Variants in FANCB observed in about 807,000 individuals in gnomAD.
FANCB encodes the protein Fanconi anemia group B protein.
Under a neutral mutation model 38.9 loss-of-function variants are expected in FANCB, and 5 were observed. The ratio of observed to expected loss-of-function variants is 0.13; its 90% CI spans 0.07 to 0.27. The LOEUF is 0.27. FANCB is among the 10% of genes least tolerant of loss of function. FANCB has a pLI of 1.00. For missense variants in FANCB, 573 were observed against 602.7 expected (o/e 0.95, Z 0.52); for synonymous variants, 236 against 215.4 (o/e 1.10, Z -0.84).
At chrX:14,786,063 G>A in the FANCB span, among the ~76,000 whole-genome samples, 2 of 111,958 alleles carry the variant, frequency 1.8e-5, no homozygotes, top group Non-Finnish European at 3.8e-5. Flanking sequence ...CCCAGGTGGA[G>A]CACTCTGGAG....
the FANCB span, among the ~76,000 whole-genome samples, chrX:14,830,180 T>C: frequency 4.5e-5 from 5 of 112,040 alleles, no homozygotes; most frequent in Non-Finnish European, 9.4e-5. Flanking sequence ...CCATCTTATA[T>C]GGGTGTGGTT....
At chrX:14,813,779 C>T in the FANCB span, among the ~76,000 whole-genome samples, 9 of 111,599 alleles carry the variant, frequency 8.1e-5, no homozygotes, top group African/African-American at 2.9e-4. Flanking sequence ...CAATGCCATC[C>T]CCATCAAGCT....
At chrX:14,759,205 C>T in the FANCB span, among the ~76,000 whole-genome samples, 2 of 111,377 alleles carry the variant, frequency 1.8e-5, no homozygotes, top group East Asian at 5.7e-4. Flanking sequence ...ACAAAGTCTC[C>T]AAGAAGTTTA....
the FANCB span, among the ~76,000 whole-genome samples, chrX:14,746,026 C>T: frequency 9.0e-6 from 1 of 111,441 alleles, no homozygotes; most frequent in East Asian, 2.8e-4. Flanking sequence ...AAAGAAATAG[C>T]CCTAACAACA....
At chrX:14,856,924 C>T (rs1479721943) in intron 5 of FANCB, among the ~76,000 whole-genome samples, 1 of 111,936 alleles carries the variant, frequency 8.9e-6, no homozygotes, top group African/African-American at 3.2e-5. Flanking sequence ...TGAATATGGA[C>T]AAGATAGCAA....
chrX:14,700,794 C>G, the FANCB span, among the ~76,000 whole-genome samples: 1 of 109,564 alleles, frequency 9.1e-6, no homozygotes, highest in Non-Finnish European at 1.9e-5. Context: ...TTGGTTGGTT[C>G]TTTTGCTTTT....
At chrX:14,729,900 C>G in the FANCB span, among the ~76,000 whole-genome samples, 1 of 111,891 alleles carries the variant, frequency 8.9e-6, no homozygotes, top group Admixed American at 9.5e-5. Flanking sequence ...CTATTCATAT[C>G]TAGGGATTAA....
chrX:14,783,937 C>T, the FANCB span, among the ~76,000 whole-genome samples: 3 of 112,718 alleles, frequency 2.7e-5, no homozygotes, highest in Admixed American at 1.9e-4. Flanking sequence ...AGGCCAGGCG[C>T]GGTGGCTCAT....
chrX:14,709,244 A>G, the FANCB span, among the ~76,000 whole-genome samples: 1 of 111,006 alleles, frequency 9.0e-6, no homozygotes, highest in Non-Finnish European at 1.9e-5. Flanking sequence ...TTTAAAAAGG[A>G]GTAGGGAAGG....
the FANCB span, among the ~76,000 whole-genome samples, chrX:14,797,386 A>G: frequency 1.8e-5 from 2 of 112,344 alleles, no homozygotes; most frequent in East Asian, 5.6e-4. Context: ...TTCTCATGTT[A>G]GAAACAAGTC....
chrX:14,867,455 C>T (rs1487177214), intron 2 of FANCB, among the ~76,000 whole-genome samples: 1 of 111,227 alleles, frequency 9.0e-6, no homozygotes, highest in African/African-American at 3.3e-5. Context: ...TAATTTTTGA[C>T]AAAGGTGCCA....
At chrX:14,785,739 T>C in the FANCB span, among the ~76,000 whole-genome samples, 1 of 111,679 alleles carries the variant, frequency 9.0e-6, no homozygotes, top group African/African-American at 3.3e-5. Context: ...TATATTGTGA[T>C]GGGACCCTCG....
At chrX:14,798,049 G>A in the FANCB span, among the ~76,000 whole-genome samples, 2 of 111,757 alleles carry the variant, frequency 1.8e-5, no homozygotes, top group Non-Finnish European at 3.8e-5. Context: ...ATGCAAGCGG[G>A]TGTGAAAACT....
the FANCB span, among the ~76,000 whole-genome samples, chrX:14,750,037 T>G: frequency 8.9e-6 from 1 of 112,300 alleles, no homozygotes; most frequent in Admixed American, 9.4e-5. Flanking sequence ...ATAAAAATTG[T>G]ATCACATTGT....
At chrX:14,842,195 T>C (rs1166243506), downstream of FANCB, among the ~76,000 whole-genome samples, 1 of 111,986 alleles carries the variant, frequency 8.9e-6, no homozygotes, top group Non-Finnish European at 1.9e-5. Context: ...TGACATTTCA[T>C]AGGGATAGAG....
At chrX:14,699,607 TATACA>T in the FANCB span, among the ~76,000 whole-genome samples, 842 of 112,062 alleles carry the variant, frequency 7.5e-3, 7 homozygotes, top group African/African-American at 0.026. Context: ...TATTTTGAAA[TATACA>T]ATACATTATC....
chrX:14,797,035 A>G, the FANCB span, among the ~76,000 whole-genome samples: 1 of 111,877 alleles, frequency 8.9e-6, no homozygotes, highest in African/African-American at 3.3e-5. Flanking sequence ...AGGCCCACCC[A>G]CATTAGGAGG....
chrX:14,709,650 T>A, the FANCB span, among the ~76,000 whole-genome samples: 1 of 112,122 alleles, frequency 8.9e-6, no homozygotes, highest in African/African-American at 3.2e-5. Flanking sequence ...ACAGAGATGA[T>A]CTGCAAAGCT....
chrX:14,696,403 A>C, the FANCB span, among the ~76,000 whole-genome samples: 1 of 111,686 alleles, frequency 9.0e-6, no homozygotes, highest in Non-Finnish European at 1.9e-5. Flanking sequence ...GACAAAGATA[A>C]GGTTATGATC....
Sources: gnomAD v4.1 joint callset for allele counts (sites outside exome capture counted in the v4.1 genomes callset) on GRCh38, gnomAD v4.1.1 for gene constraint, MANE v1.5 for transcripts, NCBI Gene and HGNC (gene_info 2026-07-23, HGNC 2026-07-21) for gene names.